Variants in SEPTIN9 observed in about 807,000 individuals in gnomAD.
SEPTIN9 encodes septin 9.
In SEPTIN9, 13 loss-of-function variants were observed where a neutral mutation model predicts 56.6. The observed-to-expected ratio is 0.23, with a 90% CI of 0.15 to 0.37. The LOEUF is 0.37. Among genes scored for constraint, SEPTIN9 ranks in the 10% least tolerant of loss-of-function variants. SEPTIN9 has a pLI of 1.00. For missense variants in SEPTIN9, 650 were observed against 823.1 expected (o/e 0.79, Z 2.57); for synonymous variants, 332 against 334.1 (o/e 0.99, Z 0.07).
At chr17:77,465,648 A>G (rs414531) in intron 3 of SEPTIN9, among the ~76,000 whole-genome samples, 26,731 of 151,420 alleles carry the variant, frequency 0.18, 6,499 homozygotes, top group African/African-American at 0.55. Flanking sequence ...ACGCAGAGTG[A>G]CCCCGGGGGC....
chr17:77,376,192 C>T, intron 2 of SEPTIN9: 1 of 986,644 alleles, frequency 1.0e-6, no homozygotes. Context: ...CTGGAATGAG[C>T]TGGCTGGAGA....
chr17:77,399,893 G>A (rs1295018144), intron 2 of SEPTIN9, among the ~76,000 whole-genome samples: 1 of 152,218 alleles, frequency 6.6e-6, no homozygotes, highest in Non-Finnish European at 1.5e-5. Flanking sequence ...CTGCGGCCAC[G>A]TGATCAGCTA....
At chr17:77,495,768 G>A (rs901829793) in intron 10 of SEPTIN9, among the ~76,000 whole-genome samples, 1 of 152,202 alleles carries the variant, frequency 6.6e-6, no homozygotes, top group Non-Finnish European at 1.5e-5. Flanking sequence ...GTGGCAGGAG[G>A]GCCTAGGCAA....
In SEPTIN9 at chr17:77,427,601, G is replaced by A. The variant is rs115107406; in HGVS notation, c.721+24898G>A. ...CTGTATTGAGATGGGATCCGAGGCC[G>A]GGAAGAACAGCTTCTTCTGTAGGTT... On this transcript the variant is annotated intron_variant, in intron 3 of 11. Coordinates refer to ENST00000427177, the MANE Select transcript of SEPTIN9 (RefSeq NM_001113491.2). 6.5e-3 allele frequency among the ~76,000 whole-genome samples: 996 copies of A among 152,280 alleles called. 17 individuals carry two copies. Among genetic ancestry groups the A allele is most frequent in the African/African-American group, 0.023 (950 of 41,540 alleles).
At chr17:77,346,416 AT>A (rs2033898591) in intron 2 of SEPTIN9, among the ~76,000 whole-genome samples, 1 of 149,352 alleles carries the variant, frequency 6.7e-6, no homozygotes, top group Admixed American at 6.7e-5. Context: ...ATATTGTAAA[AT>A]TTTTCTTGTG....
chr17:77,377,192 C>T (rs2034961047), intron 2 of SEPTIN9: 1 of 152,076 alleles, frequency 6.6e-6, no homozygotes, highest in Admixed American at 6.5e-5. Flanking sequence ...TTTTTAGAGT[C>T]TCATTTTCTA....
intron 3 of SEPTIN9, among the ~76,000 whole-genome samples, chr17:77,416,323 C>T (rs555080305): frequency 6.6e-6 from 1 of 152,160 alleles, no homozygotes; most frequent in African/African-American, 2.4e-5. Flanking sequence ...GAACGGCACC[C>T]GGTATGGGAT....
At position 77,444,478 on chromosome 17, in the gene SEPTIN9, AGG is replaced by A. The variant is rs1223581423; in HGVS notation, c.722-37661_722-37660del. On this transcript the variant is annotated intron_variant, in intron 3 of 11. Coordinates refer to ENST00000427177, the MANE Select transcript of SEPTIN9 (RefSeq NM_001113491.2). ...TTGGTGAGAGGGCTGGGGGTCGGGG[AGG>A]GGGGTGTGGAGAGTGGGAGCTTGAG... 1.5e-4 allele frequency among the ~76,000 whole-genome samples: 21 copies of A among 143,584 alleles called. No homozygotes were observed. In the East Asian group the frequency reaches 4.6e-3, roughly 31 times the overall value. The allele number at this position is 143,584 out of a possible 152,430, so 94.2% of individuals were successfully genotyped here.
intron 3 of SEPTIN9, among the ~76,000 whole-genome samples, chr17:77,443,568 G>A (rs574070456): frequency 6.6e-5 from 10 of 152,078 alleles, no homozygotes; most frequent in Non-Finnish European, 1.0e-4. Flanking sequence ...TGAGGTCGGC[G>A]GATCACTTCA....
At chr17:77,366,642 T>A (rs312887) in intron 2 of SEPTIN9, among the ~76,000 whole-genome samples, 2 of 152,048 alleles carry the variant, frequency 1.3e-5, no homozygotes, top group Non-Finnish European at 2.9e-5. Flanking sequence ...TCCCTGCCCC[T>A]GCCACTTGCT....
At chr17:77,287,920 G>T in intron 1 of SEPTIN9, 1 of 1,042,256 alleles carries the variant, frequency 9.6e-7, no homozygotes, top group Non-Finnish European at 1.2e-6. Flanking sequence ...CAGGCTGCCT[G>T]CTGTCTCTGG....
At chr17:77,439,459 C>T (rs983059985) in intron 3 of SEPTIN9, among the ~76,000 whole-genome samples, 8 of 152,154 alleles carry the variant, frequency 5.3e-5, no homozygotes, top group African/African-American at 1.9e-4. Context: ...GCCCCCGTGG[C>T]GTCCTGCAGG....
intron 2 of SEPTIN9, chr17:77,320,248 G>T: frequency 1.2e-6 from 2 of 1,611,548 alleles, no homozygotes; most frequent in Middle Eastern, 2.0e-4. Flanking sequence ...AGAGAGGGAG[G>T]GCGACGGGGG....
At chr17:77,293,083 C>T (rs2031646246) in intron 1 of SEPTIN9, among the ~76,000 whole-genome samples, 1 of 152,056 alleles carries the variant, frequency 6.6e-6, no homozygotes, top group Non-Finnish European at 1.5e-5. Context: ...GTGGTGTGAT[C>T]ACAGCTCATG....
intron 3 of SEPTIN9, among the ~76,000 whole-genome samples, chr17:77,414,114 T>A (rs2036406059): frequency 6.6e-6 from 1 of 152,148 alleles, no homozygotes; most frequent in African/African-American, 2.4e-5. Flanking sequence ...GTTTCACTCT[T>A]GTCGCCTAGG....
rs8081324 is a variant in SEPTIN9 at position 77,450,037 on chromosome 17, T to G, written c.722-32107T>G. ...GAACAGGGACTCCGGGCATGCAGTC[T>G]TCTCCCAGACACTCCCCCGGCTCTG... is the stretch of plus-strand genomic sequence containing the variant. On this transcript the variant is annotated intron_variant, in intron 3 of 11. Coordinates refer to ENST00000427177, the MANE Select transcript of SEPTIN9 (RefSeq NM_001113491.2). This position sits in a 1 kb window ranked among gnomAD's most constrained non-coding sequence, Gnocchi z 6.0. Among the ~76,000 whole-genome samples, 8,824 of 152,118 alleles carry G rather than the reference T, an allele frequency of 0.058. 737 individuals carry two copies. Among genetic ancestry groups the G allele is most frequent in the African/African-American group, 0.19 (7,761 of 41,524 alleles).
intron 2 of SEPTIN9, among the ~76,000 whole-genome samples, chr17:77,399,117 T>A (rs1049406750): frequency 2.0e-5 from 3 of 152,204 alleles, no homozygotes; most frequent in East Asian, 3.8e-4. Context: ...AATGATCCGC[T>A]TGTGCACGTG....
intron 2 of SEPTIN9, among the ~76,000 whole-genome samples, chr17:77,357,441 T>C (rs182593): frequency 0.26 from 39,046 of 152,068 alleles, 5,429 homozygotes; most frequent in East Asian, 0.61. Flanking sequence ...ACCTAGATTC[T>C]ACCACTAACA....
intron 3 of SEPTIN9, among the ~76,000 whole-genome samples, chr17:77,448,451 G>T (rs892521541): frequency 3.3e-5 from 5 of 151,618 alleles, no homozygotes; most frequent in Non-Finnish European, 7.4e-5. Flanking sequence ...GCTCCAGCCT[G>T]GGTGACAGAG....
Sources: gnomAD v4.1 joint callset for allele counts (sites outside exome capture counted in the v4.1 genomes callset) on GRCh38, gnomAD v4.1.1 for gene constraint, Gnocchi (gnomAD v3.1) non-coding constraint, MANE v1.5 for transcripts, NCBI Gene and HGNC (gene_info 2026-07-23, HGNC 2026-07-21) for gene names.